Variants in RABL6 observed in about 807,000 individuals in gnomAD.
RABL6 encodes the protein RAB, member RAS oncogene family like 6.
A neutral mutation model predicts 72.9 loss-of-function variants in RABL6; 28 were observed. The ratio of observed to expected loss-of-function variants is 0.38; its 90% CI spans 0.28 to 0.53. The LOEUF is 0.53. RABL6 is among the 20% of genes least tolerant of loss of function. The pLI is 0.80. For missense variants in RABL6, 1,029 were observed against 1,008.4 expected (o/e 1.02, Z -0.28); for synonymous variants, 477 against 421.2 (o/e 1.13, Z -1.62).
Position 136,835,797 on chromosome 9 carries a change from T to A in RABL6, c.761T>A (p.Leu254Gln), listed in dbSNP as rs1211191935. Residue 254 changes from leucine (L) to glutamine (Q), a missense_variant, in exon 8 of 15, where the codon CTG becomes CAG. Around this residue, in one of 2 missense-constraint regions of RABL6, gnomAD observed 434 missense variants for 536.1 expected, o/e 0.81. Transcript: ENST00000311502. ...AACCAGCTGGACATGGACGCCACGC[T>A]GGAGGAGCTGTCGGTGCAGCAGGAG... ...ETNQLDMDAT[L>Q]EELSVQQETE... The A allele has an allele frequency of 6.4e-7, 1 of 1,554,928 alleles. No homozygotes were observed. Among genetic ancestry groups the A allele is most frequent in the Admixed American group, 1.9e-5 (1 of 51,608 alleles).
chr9:136,837,227 G>A (rs1457040147), intron 8 of RABL6, 119 bp from the exon 9 acceptor site: 6 of 1,152,604 alleles, frequency 5.2e-6, no homozygotes, highest in Non-Finnish European at 6.4e-6. Context: ...TGGGGCGGGT[G>A]GCCCAGAACA....
At chr9:136,822,981 G>C (rs572915697) in intron 1 of RABL6, among the ~76,000 whole-genome samples, 1 of 152,020 alleles carries the variant, frequency 6.6e-6, no homozygotes, top group Non-Finnish European at 1.5e-5. Flanking sequence ...CCAGCTACTC[G>C]GGAGGCTGAG....
intron 2 of RABL6, 68 bp downstream of exon 2, chr9:136,823,727 G>A: frequency 6.7e-7 from 1 of 1,496,768 alleles, no homozygotes; most frequent in East Asian, 2.5e-5. Flanking sequence ...TGGTTCCTGG[G>A]AGATGCATTC....
intron 1 of RABL6, among the ~76,000 whole-genome samples, chr9:136,819,761 T>C (rs939767555): frequency 6.6e-6 from 1 of 152,126 alleles, no homozygotes; most frequent in Non-Finnish European, 1.5e-5. Context: ...TCAAGGAACA[T>C]TGATTAAAGT....
chr9:136,835,861 C>G lies in RABL6; in HGVS notation c.809+16C>G. On this transcript the variant is annotated intron_variant, in intron 8 of 14. Transcript: ENST00000311502. ...ACTACGGCATGTATGTGGCCGGACC[C>G]GCCCGTGCGGGCGGTGTGGGGGCTG... is the stretch of plus-strand genomic sequence containing the variant. 3 of 1,548,824 alleles carry G rather than the reference C, an allele frequency of 1.9e-6. No homozygotes were observed. Among genetic ancestry groups the G allele is most frequent in the Non-Finnish European group, 2.6e-6 (3 of 1,146,804 alleles).
At chr9:136,823,099 A>G (rs1303091490) in intron 1 of RABL6, among the ~76,000 whole-genome samples, 1 of 151,958 alleles carries the variant, frequency 6.6e-6, no homozygotes, top group South Asian at 2.1e-4. Flanking sequence ...AAAAAAAAAA[A>G]AAAAAGACTC....
chr9:136,823,652 C>A lies in RABL6; in HGVS notation c.258C>A (p.Ser86Arg). The change falls in exon 2 of 15, where the codon AGC (serine) becomes AGA (arginine). Residue 86 changes from serine to arginine, a missense_variant. This residue lies in a region of RABL6 where 434 missense variants were observed against 536.1 expected (regional missense o/e 0.81). Transcript: ENST00000311502. ...QEIQVTSIHW[S>R]YKTTDDIVKV... ...TCCAGGTCACCAGCATCCACTGGAG[C>A]TACAAGAGTAAGTGTGGTGGGTGCC... is the stretch of plus-strand genomic sequence containing the variant. 6.2e-7 allele frequency: 1 copy of A among 1,610,498 alleles called. No homozygotes were observed. Among genetic ancestry groups the A allele is most frequent in the Non-Finnish European group, 8.5e-7 (1 of 1,177,672 alleles).
intron 1 of RABL6, among the ~76,000 whole-genome samples, chr9:136,811,343 CG>C (rs1403740740): frequency 6.6e-6 from 1 of 152,056 alleles, no homozygotes; most frequent in African/African-American, 2.4e-5. Context: ...TTTTGCCGGG[CG>C]CGGTGGCTCA....
chr9:136,822,714 G>T (rs1163104359), intron 1 of RABL6, among the ~76,000 whole-genome samples: 2 of 152,198 alleles, frequency 1.3e-5, no homozygotes, highest in Non-Finnish European at 2.9e-5. Context: ...CCCGGAGCAA[G>T]CAGGCCCAGG....
At position 136,840,645 on chromosome 9, in the gene RABL6, G is replaced by C; in HGVS notation, c.*123G>C. The C allele has an allele frequency of 6.5e-7, 1 of 1,549,700 alleles. No individual in the cohort carries two copies. Among genetic ancestry groups the C allele is most frequent in the Non-Finnish European group, 8.7e-7 (1 of 1,146,856 alleles). On this transcript the variant is annotated 3_prime_UTR_variant, in exon 15 of 15. Coordinates refer to ENST00000311502, the MANE Select transcript of RABL6 (RefSeq NM_024718.5). ...GGCTGCCGTGTGCGCTTCTGAGCTG[G>C]AAGAGGCCGGGCATTGGTGGTCCCC...
At chr9:136,821,561 G>T (rs1400013078) in intron 1 of RABL6, 24 of 985,358 alleles carry the variant, frequency 2.4e-5, no homozygotes, top group Non-Finnish European at 2.8e-5. Context: ...GCTCATCTGG[G>T]GGGGACGGCG....
chr9:136,834,173 T>G, intron 7 of RABL6: 2 of 1,268,362 alleles, frequency 1.6e-6, no homozygotes, highest in East Asian at 2.9e-5. Context: ...ATTTCAGGCC[T>G]TCTTTATGTC....
Position 136,821,658 on chromosome 9 carries a change from C to T in RABL6, c.131-1867C>T, listed in dbSNP as rs143241652. On this transcript the variant is annotated intron_variant, in intron 1 of 14. Coordinates refer to ENST00000311502, the MANE Select transcript of RABL6 (RefSeq NM_024718.5). ...GGAGGGCGCCGCGGCCCGTCTCGGGCCTCCCGCCGCGCTGGGGCCTGGCTC... is the reference window on the plus strand; with the variant it reads ...GGAGGGCGCCGCGGCCCGTCTCGGGTCTCCCGCCGCGCTGGGGCCTGGCTC... The T allele has an allele frequency of 3.8e-3, 3,804 of 989,302 alleles. 10 individuals are homozygous for T. The highest frequency in any genetic ancestry group is 0.014 in the Middle Eastern group (27 of 1,920). 61.3% of individuals were successfully genotyped at this position (989,302 alleles called of 1,614,324 possible). A position where few individuals can be genotyped will look rare whatever the true frequency, so the allele number is the denominator to read the frequency against.
At position 136,839,090 on chromosome 9, in the gene RABL6, C is replaced by T. The variant is rs751026379; in HGVS notation, c.1462C>T (p.Pro488Ser). The change falls in exon 11 of 15, where the codon CCC (proline) becomes TCC (serine). Residue 488 changes from proline (P) to serine (S), a missense_variant. Physicochemically the swap from Pro to Ser is moderately conservative, Grantham distance 74. Around this residue, in one of 2 missense-constraint regions of RABL6, gnomAD observed 595 missense variants for 472.4 expected, o/e 1.26. Coordinates refer to ENST00000311502, the MANE Select transcript of RABL6 (RefSeq NM_024718.5). ...TCCCACAAAAGGCCCTGCCCCAGCT[C>T]CCCAGCAGTGCTCAGAGCCAGAGAC... ...AAPTKGPAPA[P>S]QQCSEPETKW... 6.2e-7 allele frequency: 1 copy of T among 1,612,238 alleles called. No homozygotes were observed. The highest frequency in any genetic ancestry group is 1.3e-5 in the African/African-American group (1 of 74,890).
rs1848667445 is a variant in RABL6 at position 136,840,363 on chromosome 9, G to A, written c.2031G>A (p.Lys677=). 6.4e-7 allele frequency: 1 copy of A among 1,558,632 alleles called. No individual in the cohort carries two copies. The highest frequency in any genetic ancestry group is 8.7e-7 in the Non-Finnish European group (1 of 1,151,648). The change falls in exon 15 of 15, where the codon AAG becomes AAA. Residue 677 remains lysine, a synonymous_variant. Transcript: ENST00000311502. ...KAAKKKSKHK[K]SKDKEEGKEE... ...CCAAGAAGAAGAGCAAACACAAGAA[G>A]AGCAAGGACAAGGAGGAGGGCAAGG... is the stretch of plus-strand genomic sequence containing the variant.
intron 2 of RABL6, among the ~76,000 whole-genome samples, chr9:136,824,945 G>A (rs941168140): frequency 3.3e-5 from 5 of 152,380 alleles, no homozygotes; most frequent in East Asian, 1.9e-4. Flanking sequence ...TGTGATTGGT[G>A]TGGGGGCAGA....
intron 4 of RABL6, among the ~76,000 whole-genome samples, chr9:136,828,821 A>G (rs1489547933): frequency 1.3e-5 from 2 of 151,354 alleles, no homozygotes; most frequent in African/African-American, 4.9e-5. Context: ...CCAAACTTTT[A>G]TCCCAGTCTC....
chr9:136,813,627 T>A (rs1848058867), intron 1 of RABL6: 1 of 284,862 alleles, frequency 3.5e-6, no homozygotes, highest in Admixed American at 4.3e-5. Context: ...CACTTTTTTG[T>A]TTTTTGAGCC....
Position 136,840,482 on chromosome 9 carries a change from G to A in RABL6, c.2150G>A (p.Gly717Asp). Residue 717 changes from glycine to aspartate, a missense_variant, in exon 15 of 15, where the codon GGC becomes GAC. This residue lies in a region of RABL6 where 595 missense variants were observed against 472.4 expected (regional missense o/e 1.26). Coordinates refer to ENST00000311502, the MANE Select transcript of RABL6 (RefSeq NM_024718.5). ...LEAFLGGGAP[G>D]GRHPGGGDYE... Reference sequence around the variant, plus strand: ...GCTTTCCTGGGGGGCGGGGCCCCGGGCGGCCGCCACCCTGGGGGTGGCGAC... The same window carrying A: ...GCTTTCCTGGGGGGCGGGGCCCCGGACGGCCGCCACCCTGGGGGTGGCGAC... 1 of 1,526,910 alleles carries A rather than the reference G, an allele frequency of 6.5e-7. No homozygotes were observed. Among genetic ancestry groups the A allele is most frequent in the East Asian group, 2.5e-5 (1 of 40,636 alleles). The allele number at this position is 1,526,910 out of a possible 1,614,324, so 94.6% of individuals were successfully genotyped here.
Sources: allele counts gnomAD v4.1 joint callset (sites outside exome capture counted in the v4.1 genomes callset), GRCh38; gene constraint gnomAD v4.1.1; regional missense constraint gnomAD v4.1.1; transcripts MANE v1.5; gene names NCBI Gene and HGNC (gene_info 2026-07-23, HGNC 2026-07-21).